NPSR1: variants seen among roughly 807,000 people sequenced by gnomAD.
The protein encoded by NPSR1 is neuropeptide S receptor.
A neutral mutation model predicts 46.9 loss-of-function variants in NPSR1; 48 were observed. That is an observed-to-expected ratio of 1.02 (90% CI 0.81 to 1.30). The LOEUF (loss-of-function observed/expected upper bound fraction) is 1.30, where lower values mean the gene tolerates loss of function less well. Ranked by LOEUF, NPSR1 falls within the 50% of genes most tolerant of loss-of-function variation. The pLI is 0.00. For synonymous variants in NPSR1, 176 were observed against 168.1 expected (o/e 1.05, Z -0.36); for missense variants, 450 against 449.5 (o/e 1.00, Z -0.01).
intron 1 of NPSR1, among the ~76,000 whole-genome samples, chr7:34,683,413 C>T (rs1792753508): frequency 6.7e-6 from 1 of 150,056 alleles, no homozygotes; most frequent in South Asian, 2.1e-4. Context: ...TGCCACTGCA[C>T]TCCAGCCTGG....
At chr7:34,792,639 GTGTA>G (rs1787943955) in intron 3 of NPSR1, among the ~76,000 whole-genome samples, 1 of 71,046 alleles carries the variant, frequency 1.4e-5, no homozygotes, top group Non-Finnish European at 3.2e-5. Flanking sequence ...GTGTGTGTAT[GTGTA>G]TATATATATG....
chr7:34,719,816 A>G (rs940658431), intron 2 of NPSR1: 3 of 152,104 alleles, frequency 2.0e-5, no homozygotes, highest in African/African-American at 7.2e-5. Context: ...CTTCTAGAAG[A>G]TGGGAAAAAT....
At chr7:34,802,716 G>A (rs1344223809) in intron 3 of NPSR1, among the ~76,000 whole-genome samples, 1 of 150,370 alleles carries the variant, frequency 6.7e-6, no homozygotes, top group African/African-American at 2.5e-5. Flanking sequence ...ATTGACAAAT[G>A]GGATCTAATT....
At chr7:34,705,490 T>G (rs1205492365) in intron 2 of NPSR1, among the ~76,000 whole-genome samples, 1 of 151,930 alleles carries the variant, frequency 6.6e-6, no homozygotes, top group Admixed American at 6.6e-5. Flanking sequence ...TCTCTCATCT[T>G]TTAGTATTTT....
intron 5 of NPSR1, among the ~76,000 whole-genome samples, chr7:34,833,317 A>C (rs1262610801): frequency 6.6e-6 from 1 of 152,220 alleles, no homozygotes; most frequent in African/African-American, 2.4e-5. Context: ...TTTATCAAAG[A>C]GTACCTAGGA....
At chr7:34,797,106 T>G (rs896961970) in intron 3 of NPSR1, among the ~76,000 whole-genome samples, 1 of 152,162 alleles carries the variant, frequency 6.6e-6, no homozygotes, top group African/African-American at 2.4e-5. Flanking sequence ...AGCTACATAC[T>G]GTAGATTCCA....
chr7:34,684,661 T>C lies in NPSR1; in HGVS notation c.257T>C (p.Phe86Ser), dbSNP rs549686131. 2 of 1,612,964 alleles carry C rather than the reference T, an allele frequency of 1.2e-6. No homozygotes were observed. Among genetic ancestry groups the C allele is most frequent in the Non-Finnish European group, 1.7e-6 (2 of 1,179,564 alleles). ...RRKKKSRMTF[F>S]VTQLAITDSF... ...AAGAAGAAGTCAAGAATGACCTTCT[T>C]TGTGACTCAGCTGGCCATCACAGGT... The change falls in exon 2 of 9, where the codon TTT becomes TCT. Residue 86 changes from phenylalanine to serine, a missense_variant. Physicochemically the swap from Phe to Ser is radical, Grantham distance 155 (BLOSUM62 -2). Transcript: ENST00000360581.
chr7:34,793,942 T>A (rs935526959), intron 3 of NPSR1, among the ~76,000 whole-genome samples: 2 of 152,096 alleles, frequency 1.3e-5, no homozygotes, highest in African/African-American at 4.8e-5. Context: ...CTGGAGAACA[T>A]TGTGTCAAGT....
At chr7:34,785,152 C>T (rs565897965) in intron 3 of NPSR1, among the ~76,000 whole-genome samples, 2 of 151,596 alleles carry the variant, frequency 1.3e-5, no homozygotes, top group South Asian at 2.1e-4. Context: ...CAATGATAGA[C>T]GGGATTAAGA....
At chr7:34,814,684 AAAG>A (rs1283318725) in intron 4 of NPSR1, among the ~76,000 whole-genome samples, 1 of 152,194 alleles carries the variant, frequency 6.6e-6, no homozygotes, top group South Asian at 2.1e-4. Flanking sequence ...CCTCTGGGAC[AAAG>A]CTTCCAGAGG....
rs1790693350 is a variant in NPSR1, at chr7:34,844,961, T to A, written c.823T>A (p.Tyr275Asn). Residue 275 changes from tyrosine to asparagine, a missense_variant, in exon 7 of 9, where the codon TAT becomes AAT. Tyr to Asn is a moderately radical substitution (Grantham distance 143, BLOSUM62 -2). Coordinates refer to ENST00000360581, the MANE Select transcript of NPSR1 (RefSeq NM_207172.2). ...ISKAKIKAIK[Y>N]SIIIILAFIC... ...AAAGGCAAAAATCAAGGCTATCAAG[T>A]ATAGCATCATCATCATTCTTGGTAA... The A allele has an allele frequency of 1.2e-6, 2 of 1,611,372 alleles. No homozygotes were observed.
chr7:34,739,964 C>T (rs536621405), intron 2 of NPSR1, among the ~76,000 whole-genome samples: 1 of 152,266 alleles, frequency 6.6e-6, no homozygotes, highest in South Asian at 2.1e-4. Context: ...GGCCCTAGAA[C>T]ACCCATAAGT....
chr7:34,787,262 A>G (rs1356725041), intron 3 of NPSR1, among the ~76,000 whole-genome samples: 2 of 152,254 alleles, frequency 1.3e-5, no homozygotes, highest in Middle Eastern at 3.4e-3. Context: ...CTTAAACCTC[A>G]TGAAACAAAC....
chr7:34,718,303 T>C (rs891179438), intron 2 of NPSR1, among the ~76,000 whole-genome samples: 2 of 152,228 alleles, frequency 1.3e-5, no homozygotes, highest in African/African-American at 2.4e-5. Context: ...TCGATGCTTG[T>C]TTCCATTCAG....
At chr7:34,751,195 T>C (rs1380240840) in intron 2 of NPSR1, 6 of 1,113,498 alleles carry the variant, frequency 5.4e-6, no homozygotes, top group African/African-American at 1.5e-5. Context: ...GTCCACCAGA[T>C]TGGGAAAGTG....
At chr7:34,780,475 T>C (rs1787182034) in intron 3 of NPSR1, among the ~76,000 whole-genome samples, 3 of 152,134 alleles carry the variant, frequency 2.0e-5, no homozygotes, top group Admixed American at 2.0e-4. Flanking sequence ...GATAATTCTC[T>C]CTTCTATAAA....
At chr7:34,688,220 G>A (rs1793037069) in intron 2 of NPSR1, among the ~76,000 whole-genome samples, 1 of 152,114 alleles carries the variant, frequency 6.6e-6, no homozygotes, top group South Asian at 2.1e-4. Flanking sequence ...CTTCTTTGGA[G>A]GAAGAAGGCA....
chr7:34,790,304 C>T (rs1010013422), intron 3 of NPSR1, among the ~76,000 whole-genome samples: 4 of 151,922 alleles, frequency 2.6e-5, no homozygotes, highest in African/African-American at 7.3e-5. Context: ...AGAAAAACAT[C>T]GTGACAAAAT....
At chr7:34,726,088 C>T (rs746451468) in intron 2 of NPSR1, among the ~76,000 whole-genome samples, 7 of 152,106 alleles carry the variant, frequency 4.6e-5, no homozygotes, top group Admixed American at 1.3e-4. Context: ...GGCTCAGGTA[C>T]GTCTTTATTA....
Sources: gnomAD v4.1 joint callset for allele counts (sites outside exome capture counted in the v4.1 genomes callset) on GRCh38, gnomAD v4.1.1 for gene constraint, MANE v1.5 for transcripts, NCBI Gene and HGNC (gene_info 2026-07-23, HGNC 2026-07-21) for gene names.